VPS13C: variants seen among roughly 807,000 people sequenced by gnomAD.
VPS13C encodes the protein intermembrane lipid transfer protein VPS13C.
VPS13C carries 358 observed loss-of-function variants against 456.8 expected under a neutral mutation model. That is an observed-to-expected ratio of 0.78 (90% CI 0.72 to 0.86). The LOEUF (loss-of-function observed/expected upper bound fraction) is 0.86, where lower values mean the gene tolerates loss of function less well. VPS13C is among the 40% of genes least tolerant of loss of function. VPS13C has a pLI of 0.00. For synonymous variants in VPS13C, 1,578 were observed against 1,486.7 expected (o/e 1.06, Z -1.41); for missense variants, 4,818 against 4,385.4 (o/e 1.10, Z -2.79).
intron 67 of VPS13C, among the ~76,000 whole-genome samples, chr15:61,884,905 T>C (rs1479437534): frequency 6.6e-6 from 1 of 152,130 alleles, no homozygotes; most frequent in African/African-American, 2.4e-5. Context: ...TAAAATTCTA[T>C]TAAATTCTTC....
At chr15:62,002,958 C>T (rs965265312) in intron 15 of VPS13C, among the ~76,000 whole-genome samples, 2 of 152,096 alleles carry the variant, frequency 1.3e-5, no homozygotes, top group African/African-American at 2.4e-5. Context: ...TAGTGTGATG[C>T]CTCCAGCTTT....
At position 61,922,713 on chromosome 15, in the gene VPS13C, G is replaced by A. The variant is rs2043701324; in HGVS notation, c.6659C>T (p.Ser2220Phe). The A allele has an allele frequency of 1.2e-6, 2 of 1,613,438 alleles. No individual in the cohort carries two copies. Among genetic ancestry groups the A allele is most frequent in the Admixed American group, 1.7e-5 (1 of 59,964 alleles). ...NTVLTIMAAL[S>F]PKTKEDGSKD... ...GGATCCATCTTCTTTTGTTTTTGGA[G>A]ACAATGCAGCCATGATTGTCAACAC... Residue 2220 changes from serine (S) to phenylalanine (F), a missense_variant, in exon 54 of 85, where the codon TCT becomes TTT. By Grantham distance (155) the Ser-to-Phe change is radical. This residue lies in a region of VPS13C where 4,552 missense variants were observed against 4,130.6 expected (regional missense o/e 1.10). Coordinates refer to ENST00000644861, the MANE Select transcript of VPS13C (RefSeq NM_020821.3).
At chr15:61,904,355 A>G in intron 66 of VPS13C, among the ~76,000 whole-genome samples, 1 of 151,916 alleles carries the variant, frequency 6.6e-6, no homozygotes, top group Admixed American at 6.6e-5. Context: ...GAAGAGGCAT[A>G]TCTCAAAAGA....
At chr15:62,002,660 G>A (rs1373502225) in intron 15 of VPS13C, among the ~76,000 whole-genome samples, 20 of 151,272 alleles carry the variant, frequency 1.3e-4, no homozygotes, top group South Asian at 1.3e-3. Context: ...TAGGTCTAAC[G>A]TTTAAGTCTT....
At chr15:61,936,827 G>T (rs2044243300) in intron 47 of VPS13C, 77 bp from the exon 48 acceptor site, 2 of 1,395,322 alleles carry the variant, frequency 1.4e-6, no homozygotes, top group South Asian at 1.5e-5. Flanking sequence ...TCGATTTGTG[G>T]TTTTTCAAAT....
Position 61,969,374 on chromosome 15 carries a change from C to A in VPS13C, c.2836G>T (p.Ala946Ser). 1 of 1,601,200 alleles carries A rather than the reference C, an allele frequency of 6.2e-7. No homozygotes were observed. Among genetic ancestry groups the A allele is most frequent in the Non-Finnish European group, 8.5e-7 (1 of 1,173,842 alleles). The change falls in exon 28 of 85, where the codon GCC becomes TCC. Residue 946 changes from alanine (A) to serine (S), a missense_variant. This residue lies in a region of VPS13C where 4,552 missense variants were observed against 4,130.6 expected (regional missense o/e 1.10). Transcript: ENST00000644861. ...GTTAAGTCAAATGTTCTCATTGTGG[C>A]CTCTGTTCCTAACTGAGTAACATTA... The part of the protein sequence containing the change: ...VFNVTQLGTE[A>S]TMRTFDLTVV...
intron 9 of VPS13C, among the ~76,000 whole-genome samples, chr15:62,019,026 G>C (rs188965629): frequency 6.6e-6 from 1 of 152,106 alleles, no homozygotes; most frequent in Non-Finnish European, 1.5e-5. Context: ...GAGGGTGTAT[G>C]TGTCGAGGAA....
chr15:61,973,644 C>CTGTGGA, intron 25 of VPS13C, 112 bp from the exon 26 acceptor site: 2 of 741,076 alleles, frequency 2.7e-6, no homozygotes, highest in Admixed American at 2.1e-5. Flanking sequence ...TGGAAAGACA[C>CTGTGGA]ATACACACAA....
Position 61,868,729 on chromosome 15 carries a change from C to A in VPS13C, c.10793G>T (p.Arg3598Leu). Residue 3598 changes from arginine to leucine, a missense_variant, in exon 81 of 85, where the codon CGC becomes CTC. This residue lies in a region of VPS13C where 261 missense variants were observed against 234.1 expected (regional missense o/e 1.11). Transcript: ENST00000644861. Reference sequence around the variant, plus strand: ...AATGATGCCATCTTCATGGATCAGGCGAGGGGGACGGAGGCTAGATACTTC... The same window carrying A: ...AATGATGCCATCTTCATGGATCAGGAGAGGGGGACGGAGGCTAGATACTTC... ...TEEVSSLRPP[R>L]LIHEDGIIRP... 1 of 1,614,020 alleles carries A rather than the reference C, an allele frequency of 6.2e-7. No individual in the cohort carries two copies. Among genetic ancestry groups the A allele is most frequent in the Non-Finnish European group, 8.5e-7 (1 of 1,179,982 alleles).
intron 81 of VPS13C, 45 bp downstream of exon 81, chr15:61,868,614 C>T (rs1412701434): frequency 3.9e-6 from 6 of 1,550,252 alleles, no homozygotes; most frequent in Non-Finnish European, 5.3e-6. Flanking sequence ...GCCTAGAAAT[C>T]ATTAAAATTC....
intron 66 of VPS13C, among the ~76,000 whole-genome samples, chr15:61,892,683 C>T (rs189504327): frequency 3.3e-5 from 5 of 152,250 alleles, no homozygotes; most frequent in Non-Finnish European, 4.4e-5. Context: ...AAGACAGCCA[C>T]GTGTGAGTTC....
At position 61,892,775 on chromosome 15, in the gene VPS13C, C is replaced by G. The variant is rs894258255; in HGVS notation, c.9106-2375G>C. Among the ~76,000 whole-genome samples, 56 of 152,112 alleles carry G rather than the reference C, an allele frequency of 3.7e-4. 1 individual carries two copies. The highest frequency in any genetic ancestry group is 1.2e-3 in the African/African-American group (50 of 41,424). On this transcript the variant is annotated intron_variant, in intron 66 of 84. Coordinates refer to ENST00000644861, the MANE Select transcript of VPS13C (RefSeq NM_020821.3). ...ACAGAAAAACAATTAAGAAATTTAT[C>G]AGTGAAATTGAAACAGACTGAAATA... is the stretch of plus-strand genomic sequence containing the variant.
Position 61,867,151 on chromosome 15 carries a change from A to G in VPS13C, c.10863+1508T>C. ...AAATCTATGTATTCAAGTGCCACAC[A>G]GCAATTTGCCTAATTACATGTTCAA... On this transcript the variant is annotated intron_variant, in intron 81 of 84. Transcript: ENST00000644861. The surrounding 1 kb of genome is among the most constrained non-coding windows in gnomAD (Gnocchi z 5.0). 1.0e-6 allele frequency: 1 copy of G among 983,760 alleles called. No homozygotes were observed. The highest frequency in any genetic ancestry group is 1.2e-6 in the Non-Finnish European group (1 of 828,374). 60.9% of individuals were successfully genotyped at this position (983,760 alleles called of 1,614,324 possible). A position where few individuals can be genotyped will look rare whatever the true frequency, so the allele number is the denominator to read the frequency against.
rs1354134829 is a variant in VPS13C at position 61,947,607 on chromosome 15, A to T, written c.4760-298T>A. ...CAACTTTTTTTCTGGGAAAAAAGAAAACATTCTATATTAGAACTCTAGAAT... is the reference window on the plus strand; with the variant it reads ...CAACTTTTTTTCTGGGAAAAAAGAATACATTCTATATTAGAACTCTAGAAT... On this transcript the variant is annotated intron_variant, in intron 42 of 84. Coordinates refer to ENST00000644861, the MANE Select transcript of VPS13C (RefSeq NM_020821.3). Among the ~76,000 whole-genome samples the T allele has an allele frequency of 1.3e-5, 2 of 152,162 alleles. 1 individual carries two copies. Among genetic ancestry groups the T allele is most frequent in the Admixed American group, 1.3e-4 (2 of 15,276 alleles).
chr15:61,969,131 T>C (rs1270443136), intron 28 of VPS13C, among the ~76,000 whole-genome samples, 168 bp downstream of exon 28: 1 of 152,142 alleles, frequency 6.6e-6, no homozygotes, highest in African/African-American at 2.4e-5. Flanking sequence ...ATTATAACAC[T>C]GCCTACCCCA....
intron 15 of VPS13C, 88 bp from the exon 16 acceptor site, chr15:62,000,714 C>A (rs1404577272): frequency 1.0e-6 from 1 of 1,002,610 alleles, no homozygotes; most frequent in African/African-American, 1.7e-5. Flanking sequence ...CATATCTAGT[C>A]CATTATCAGT....
intron 43 of VPS13C, among the ~76,000 whole-genome samples, chr15:61,946,683 A>G (rs892825354): frequency 6.6e-6 from 1 of 151,496 alleles, no homozygotes; most frequent in Non-Finnish European, 1.5e-5. Flanking sequence ...AAAGAAATTC[A>G]AATTAATTTA....
At chr15:62,049,900 G>A (rs1371984944) in intron 1 of VPS13C, among the ~76,000 whole-genome samples, 1 of 148,570 alleles carries the variant, frequency 6.7e-6, no homozygotes, top group Non-Finnish European at 1.5e-5. Context: ...TTGGCTCTCT[G>A]TTTGTCTGTT....
intron 2 of VPS13C, among the ~76,000 whole-genome samples, chr15:62,042,167 T>C (rs2048263608): frequency 6.6e-6 from 1 of 152,304 alleles, no homozygotes; most frequent in East Asian, 1.9e-4. Flanking sequence ...AAATTAGTAT[T>C]TCGTTTAGAT....
Sources: allele counts gnomAD v4.1 joint callset (sites outside exome capture counted in the v4.1 genomes callset), GRCh38; gene constraint gnomAD v4.1.1; regional missense constraint gnomAD v4.1.1; non-coding constraint Gnocchi (gnomAD v3.1); transcripts MANE v1.5; gene names NCBI Gene and HGNC (gene_info 2026-07-23, HGNC 2026-07-21).